Variants in RYR2 observed in about 807,000 individuals in gnomAD.
The protein encoded by RYR2 is cardiac muscle ryanodine receptor-calcium release channel.
Under a neutral mutation model 601.1 loss-of-function variants are expected in RYR2, and 227 were observed. The observed-to-expected ratio is 0.38, with a 90% confidence interval of 0.34 to 0.42. RYR2 has a LOEUF of 0.42. Among genes scored for constraint, RYR2 ranks in the 10% least tolerant of loss-of-function variants. The pLI is 1.00. For missense variants in RYR2, 4,646 were observed against 6,156.5 expected (o/e 0.75, Z 8.21); for synonymous variants, 2,223 against 2,175.1 (o/e 1.02, Z -0.61).
intron 10 of RYR2, among the ~76,000 whole-genome samples, chr1:237,400,584 G>A (rs1191258749): frequency 6.6e-6 from 1 of 152,062 alleles, no homozygotes; most frequent in Non-Finnish European, 1.5e-5. Flanking sequence ...TATCCTGATG[G>A]GAGGGAGACT....
chr1:237,674,310 A>G (rs1421947963), intron 59 of RYR2, 91 bp downstream of exon 59: 12 of 1,039,582 alleles, frequency 1.2e-5, no homozygotes, highest in South Asian at 3.0e-5. Context: ...AATGAATTCA[A>G]TGATCTGTTT....
chr1:237,611,065 T>G (rs1205042100), intron 36 of RYR2, 77 bp downstream of exon 36: 3 of 1,263,412 alleles, frequency 2.4e-6, no homozygotes, highest in African/African-American at 3.0e-5. Flanking sequence ...CCGGTAGTGG[T>G]GCGGGGCAGG....
chr1:237,406,326 G>A (rs1473403321), intron 10 of RYR2, among the ~76,000 whole-genome samples: 7 of 150,350 alleles, frequency 4.7e-5, no homozygotes, highest in African/African-American at 1.7e-4. Context: ...TACATTCGTG[G>A]ATACAGGAAC....
chr1:237,644,959 G>A (rs751338638), intron 48 of RYR2, among the ~76,000 whole-genome samples: 12 of 152,094 alleles, frequency 7.9e-5, no homozygotes, highest in Non-Finnish European at 1.5e-4. Context: ...TTGAACCCGG[G>A]GCAGTGGGGA....
At chr1:237,072,272 G>T (rs926673611) in intron 1 of RYR2, among the ~76,000 whole-genome samples, 1 of 152,216 alleles carries the variant, frequency 6.6e-6, no homozygotes, top group Non-Finnish European at 1.5e-5. Flanking sequence ...GGCCACCGCC[G>T]CCATCACTGG....
chr1:237,313,659 A>G (rs556950579), intron 2 of RYR2, among the ~76,000 whole-genome samples: 1 of 152,216 alleles, frequency 6.6e-6, no homozygotes, highest in Non-Finnish European at 1.5e-5. Context: ...GAAAAAAATT[A>G]TGTTGTTTTA....
At chr1:237,187,648 T>C (rs1679517841) in intron 1 of RYR2, among the ~76,000 whole-genome samples, 1 of 151,538 alleles carries the variant, frequency 6.6e-6, no homozygotes, top group African/African-American at 2.4e-5. Flanking sequence ...CTCACTATGT[T>C]ACCCAGGCTG....
intron 1 of RYR2, among the ~76,000 whole-genome samples, chr1:237,099,051 T>A (rs1667793127): frequency 1.3e-5 from 2 of 151,952 alleles, no homozygotes; most frequent in African/African-American, 2.4e-5. Context: ...CTTCTCCCGA[T>A]AAATGAATGG....
chr1:237,488,891 C>A (rs541515625), intron 17 of RYR2, among the ~76,000 whole-genome samples: 1 of 152,122 alleles, frequency 6.6e-6, no homozygotes, highest in Non-Finnish European at 1.5e-5. Context: ...TTCTCACGGA[C>A]GCGCGTGACA....
chr1:237,340,567 T>C (rs144042159), intron 3 of RYR2, among the ~76,000 whole-genome samples: 1 of 152,208 alleles, frequency 6.6e-6, no homozygotes, highest in East Asian at 1.9e-4. Flanking sequence ...ACGATGCTAC[T>C]AGCTATTTAT....
intron 1 of RYR2, 60 bp downstream of exon 1, chr1:237,042,629 G>C: frequency 1.6e-6 from 2 of 1,244,618 alleles, no homozygotes; most frequent in South Asian, 4.1e-5. Context: ...ATCCACTAGC[G>C]GGGTCCGGGC....
chr1:237,052,727 G>C (rs1370895043), intron 1 of RYR2, among the ~76,000 whole-genome samples: 4 of 152,006 alleles, frequency 2.6e-5, no homozygotes, highest in Non-Finnish European at 5.9e-5. Flanking sequence ...TCCTTTTAGG[G>C]AAGAACAACA....
At chr1:237,608,168 C>G (rs1343460921) in intron 35 of RYR2, among the ~76,000 whole-genome samples, 1 of 152,052 alleles carries the variant, frequency 6.6e-6, no homozygotes, top group East Asian at 1.9e-4. Context: ...AGGAGAGAGC[C>G]TGGTTGTATC....
At chr1:237,515,917 C>CTCT (rs1234187710) in intron 24 of RYR2, among the ~76,000 whole-genome samples, 6 of 18,518 alleles carry the variant, frequency 3.2e-4, no homozygotes, top group African/African-American at 1.3e-3. Flanking sequence ...CCTCTTCTCC[C>CTCT]TCTCCCTCTT....
intron 29 of RYR2, among the ~76,000 whole-genome samples, chr1:237,588,874 AT>A (rs1674831067): frequency 7.1e-6 from 1 of 141,518 alleles, no homozygotes; most frequent in Non-Finnish European, 1.5e-5. Context: ...CCTGAAGAAT[AT>A]CATCTCATCC....
intron 1 of RYR2, among the ~76,000 whole-genome samples, chr1:237,155,106 G>A (rs1675159759): frequency 6.6e-6 from 1 of 151,880 alleles, no homozygotes; most frequent in African/African-American, 2.4e-5. Flanking sequence ...AGCAAAAGAG[G>A]GAAGTGAAAT....
At chr1:237,507,327 C>G (rs921654876) in intron 23 of RYR2, among the ~76,000 whole-genome samples, 1 of 152,168 alleles carries the variant, frequency 6.6e-6, no homozygotes, top group Admixed American at 6.5e-5. Flanking sequence ...CTAAATGATA[C>G]TTTGCTAAAG....
intron 24 of RYR2, among the ~76,000 whole-genome samples, chr1:237,512,589 T>A (rs1361743442): frequency 2.0e-5 from 3 of 152,210 alleles, no homozygotes; most frequent in Non-Finnish European, 2.9e-5. Flanking sequence ...GGAGCCAAAG[T>A]CAGCTGGGCA....
chr1:237,098,568 A>G (rs1049049626), intron 1 of RYR2, among the ~76,000 whole-genome samples: 1 of 152,340 alleles, frequency 6.6e-6, no homozygotes, highest in Admixed American at 6.5e-5. Flanking sequence ...AAAATGTGGT[A>G]TATATACACA....
Sources: allele counts gnomAD v4.1 joint callset (sites outside exome capture counted in the v4.1 genomes callset), GRCh38; gene constraint gnomAD v4.1.1; transcripts MANE v1.5; gene names NCBI Gene and HGNC (gene_info 2026-07-23, HGNC 2026-07-21).